MPV17L: variants seen among roughly 807,000 people sequenced by gnomAD.
The protein encoded by MPV17L is mpv17-like protein.
Under a neutral mutation model 25.8 loss-of-function variants are expected in MPV17L, and 24 were observed. The ratio of observed to expected loss-of-function variants is 0.93; its 90% confidence interval spans 0.67 to 1.31. MPV17L has a LOEUF of 1.31. Among genes scored for constraint, MPV17L ranks in the 50% most tolerant of loss-of-function variants. The probability of loss-of-function intolerance (pLI) is 0.00; values close to 1 mark genes in which losing one functional copy is unlikely to be tolerated. For synonymous variants in MPV17L, 102 were observed against 115.3 expected, an observed-to-expected ratio of 0.88 and a Z score of 0.74; for missense variants, 250 against 265.6, an observed-to-expected ratio of 0.94 and a Z score of 0.41.
chr16:15,405,008 C>A (rs936246856), intron 2 of MPV17L, among the ~76,000 whole-genome samples: 3 of 152,098 alleles, frequency 2.0e-5, no homozygotes, highest in Admixed American at 6.6e-5. Flanking sequence ...AAGCTGGTTC[C>A]TGTGTCCTGT....
In MPV17L at chr16:15,408,648, G is replaced by A. The variant is rs1211499654; in HGVS notation, c.*536G>A. The A allele has an allele frequency of 7.3e-6, 1 of 136,956 alleles. No individual in the cohort carries two copies. Among genetic ancestry groups the A allele is most frequent in the Admixed American group, 8.7e-5 (1 of 11,468 alleles). The allele number at this position is 136,956 out of a possible 1,614,324, so 8.5% of individuals were successfully genotyped here. On this transcript the variant is annotated 3_prime_UTR_variant, in exon 4 of 4. Coordinates refer to ENST00000396385, the MANE Select transcript of MPV17L (RefSeq NM_001128423.2). The stretch of plus-strand genomic sequence containing the variant: ...GTGGTGGAGTCTTGCTGTCTCCCCG[G>A]CTGGAGCGCAGTGGCACGATCGCGG...
At position 15,400,747 on chromosome 16, in the gene MPV17L, T is replaced by C. The variant is rs746419572; in HGVS notation, c.311-40T>C. On this transcript the variant is annotated intron_variant, in intron 1 of 3. Coordinates refer to ENST00000396385, the MANE Select transcript of MPV17L (RefSeq NM_001128423.2). ...AAACATGAACTGTTATACGGTACTC[T>C]ACTGAATCTTTTAAAATTTTTTTTG... is the stretch of plus-strand genomic sequence containing the variant. 2.0e-5 allele frequency: 28 copies of C among 1,428,864 alleles called. 1 individual carries two copies. The East Asian group carries it at 6.3e-4, about 32-fold the overall frequency. 88.5% of individuals were successfully genotyped at this position (1,428,864 alleles called of 1,614,324 possible).
intron 1 of MPV17L, among the ~76,000 whole-genome samples, chr16:15,396,454 G>C (rs2050585145): frequency 6.6e-6 from 1 of 152,220 alleles, no homozygotes; most frequent in South Asian, 2.1e-4. Context: ...TGGGGAGCCA[G>C]AGGTCCACCA....
At position 15,395,934 on chromosome 16, in the gene MPV17L, C is replaced by T; in HGVS notation, c.37C>T (p.Arg13Trp). 4 of 1,460,604 alleles carry T rather than the reference C, an allele frequency of 2.7e-6. No homozygotes were observed. Among genetic ancestry groups the T allele is most frequent in the South Asian group, 2.7e-5 (2 of 73,502 alleles). 90.5% of individuals were successfully genotyped at this position (1,460,604 alleles called of 1,614,324 possible). A position where few individuals can be genotyped will look rare whatever the true frequency, so the allele number is the denominator to read the frequency against. ...GWWPALSRAA[R>W]RHPWPTNVLL... ...GTGGCCGGCGTTGTCGCGCGCGGCC[C>T]GGCGCCACCCGTGGCCCACCAACGT... The change falls in exon 1 of 4, where the codon CGG (arginine) becomes TGG (tryptophan). Residue 13 changes from arginine (R) to tryptophan (W), a missense_variant. Arg to Trp is a moderately radical substitution (Grantham distance 101). Transcript: ENST00000396385.
At chr16:15,402,565 T>TAAG (rs2307502) in intron 2 of MPV17L, among the ~76,000 whole-genome samples, 118,830 of 151,856 alleles carry the variant, frequency 0.78, 47,196 homozygotes, top group Non-Finnish European at 0.85. Flanking sequence ...ACAGTAACTA[T>TAAG]AAGTGTGTTC....
chr16:15,407,785 T>C, intron 2 of MPV17L, 39 bp from the exon 3 acceptor site: 1 of 1,557,316 alleles, frequency 6.4e-7, no homozygotes, highest in Non-Finnish European at 8.7e-7. Flanking sequence ...TAAAAGGCAA[T>C]CTAATAAAGT....
intron 1 of MPV17L, among the ~76,000 whole-genome samples, chr16:15,400,003 C>A (rs1488397275): frequency 6.6e-6 from 1 of 152,122 alleles, no homozygotes; most frequent in Non-Finnish European, 1.5e-5. Context: ...GGGGTTTCTC[C>A]ATGTTGGTCA....
rs1308258778 is a variant in MPV17L, at chr16:15,401,373, T to C, written c.381+516T>C. Among the ~76,000 whole-genome samples, 5 of 152,026 alleles carry C rather than the reference T, an allele frequency of 3.3e-5. No individual in the cohort carries two copies. The East Asian group carries it at 9.6e-4, about 29-fold the overall frequency. On this transcript the variant is annotated intron_variant, in intron 2 of 3. Coordinates refer to ENST00000396385, the MANE Select transcript of MPV17L (RefSeq NM_001128423.2). ...CTCCAGTGATTCTCCCACCTCAACA[T>C]TAAGTACATTTTTATTAAACTATTC...
intron 2 of MPV17L, among the ~76,000 whole-genome samples, chr16:15,402,173 T>C (rs911242221): frequency 6.6e-6 from 1 of 152,202 alleles, no homozygotes; most frequent in Non-Finnish European, 1.5e-5. Context: ...GCATTTTTAC[T>C]GTTTGCTCGG....
intron 2 of MPV17L, among the ~76,000 whole-genome samples, chr16:15,404,578 T>G (rs2050665087): frequency 6.6e-6 from 1 of 152,122 alleles, no homozygotes; most frequent in South Asian, 2.1e-4. Context: ...CTCACCACTT[T>G]GGGAGGCCAA....
chr16:15,398,263 C>T (rs1308399292), intron 1 of MPV17L, among the ~76,000 whole-genome samples: 3 of 151,962 alleles, frequency 2.0e-5, no homozygotes, highest in Non-Finnish European at 4.4e-5. Flanking sequence ...AGGCTGGTCT[C>T]GAACTCCTGA....
intron 2 of MPV17L, among the ~76,000 whole-genome samples, chr16:15,401,084 ATATTTTTTT>A (rs2050635281): frequency 3.0e-5 from 1 of 33,202 alleles, no homozygotes; most frequent in Non-Finnish European, 5.5e-5. Context: ...ATATATATAT[ATATTTTTTT>A]TTTTTTTTTT....
At chr16:15,399,394 T>G (rs1162977541) in intron 1 of MPV17L, 3 of 454,294 alleles carry the variant, frequency 6.6e-6, no homozygotes, top group African/African-American at 2.0e-5. Flanking sequence ...CTACCTGAAT[T>G]TATTGTTACT....
chr16:15,408,601 CTT>C lies in MPV17L; in HGVS notation c.*509_*510del, dbSNP rs4013478. The C allele has an allele frequency of 1.2e-4, 13 of 106,302 alleles. No homozygotes were observed. Among genetic ancestry groups the C allele is most frequent in the African/African-American group, 3.2e-4 (9 of 28,166 alleles). The allele number at this position is 106,302 out of a possible 1,614,324, so 6.6% of individuals were successfully genotyped here. ...CACAATTTGTTATTTTAGTAAATAC[CTT>C]TTTTTTTTTTTTTTTTTTTGTGGTG... On this transcript the variant is annotated 3_prime_UTR_variant, in exon 4 of 4. Transcript: ENST00000396385.
chr16:15,409,059 G>A lies in MPV17L; in HGVS notation c.*947G>A, dbSNP rs952754338. 4 of 146,040 alleles carry A rather than the reference G, an allele frequency of 2.7e-5. No homozygotes were observed. Among genetic ancestry groups the A allele is most frequent in the East Asian group, 2.0e-4 (1 of 4,980 alleles). The allele number at this position is 146,040 out of a possible 1,614,324, so 9.0% of individuals were successfully genotyped here. On this transcript the variant is annotated 3_prime_UTR_variant, in exon 4 of 4. Coordinates refer to ENST00000396385, the MANE Select transcript of MPV17L (RefSeq NM_001128423.2). ...GCCTCCCAAAGTGCTGGGATTACAG[G>A]CGTGAGCCACCACAACCGACTTTTT...
chr16:15,397,002 G>T (rs919072575), intron 1 of MPV17L, among the ~76,000 whole-genome samples: 2 of 152,080 alleles, frequency 1.3e-5, no homozygotes, highest in African/African-American at 4.8e-5. Flanking sequence ...AATGGAAATG[G>T]TACCTGAAAA....
chr16:15,399,446 C>T, intron 1 of MPV17L: 1 of 452,632 alleles, frequency 2.2e-6, no homozygotes, highest in South Asian at 1.6e-5. Flanking sequence ...CACTCTATTC[C>T]CCAGGCTGAA....
At chr16:15,402,055 C>A (rs2050643567) in intron 2 of MPV17L, among the ~76,000 whole-genome samples, 1 of 152,132 alleles carries the variant, frequency 6.6e-6, no homozygotes, top group Admixed American at 6.6e-5. Flanking sequence ...CCAATGTTTT[C>A]AGGTGAGCAT....
intron 1 of MPV17L, among the ~76,000 whole-genome samples, chr16:15,397,630 C>G (rs528031982): frequency 6.6e-6 from 1 of 152,196 alleles, no homozygotes; most frequent in East Asian, 1.9e-4. Flanking sequence ...CACAGATCTC[C>G]CCCCAAATGG....
Sources: allele counts gnomAD v4.1 joint callset (sites outside exome capture counted in the v4.1 genomes callset), GRCh38; gene constraint gnomAD v4.1.1; transcripts MANE v1.5; gene names NCBI Gene and HGNC (gene_info 2026-07-23, HGNC 2026-07-21).